Variants in ST7L observed in about 807,000 individuals in gnomAD.
ST7L encodes the protein suppressor of tumorigenicity 7 protein-like.
In ST7L, 57 loss-of-function variants were observed where a neutral mutation model predicts 72.5. The observed-to-expected ratio is 0.79, with a 90% CI of 0.64 to 0.98. The LOEUF (loss-of-function observed/expected upper bound fraction) is 0.98. ST7L is among the 50% of genes least tolerant of loss of function. The pLI, the probability that ST7L is intolerant of heterozygous loss-of-function variation, is 0.00. For synonymous variants in ST7L, 221 were observed against 240.9 expected (o/e 0.92, Z 0.77); for missense variants, 576 against 672.2 (o/e 0.86, Z 1.58).
In ST7L at chr1:112,586,424, A is replaced by C. The variant is rs143702723; in HGVS notation, c.702-2298T>G. On this transcript the variant is annotated intron_variant, in intron 6 of 14. Coordinates refer to ENST00000358039, the MANE Select transcript of ST7L (RefSeq NM_017744.5). ...ACCACTGCACTCCAGCCTGGGCAAC[A>C]GAGCAAGACCCTGTCTCTAAACAAA... Among the ~76,000 whole-genome samples, 419 of 152,332 alleles carry C rather than the reference A, an allele frequency of 2.8e-3. 11 individuals carry two copies. The East Asian group carries it at 0.068, about 25-fold the overall frequency.
intron 14 of ST7L, 40 bp from the exon 15 acceptor site, chr1:112,526,151 A>G (rs564366547): frequency 1.4e-5 from 22 of 1,612,404 alleles, no homozygotes; most frequent in Non-Finnish European, 1.9e-5. Context: ...CAAGCCCTGT[A>G]GGAGTCCCAG....
downstream of ST7L, chr1:112,522,204 C>T (rs1288280963): frequency 6.6e-6 from 1 of 152,002 alleles, no homozygotes; most frequent in African/African-American, 2.4e-5. Context: ...CTAATTTAAA[C>T]ATAGTTTTCA....
At chr1:112,530,871 T>C (rs1339293695) in intron 14 of ST7L, among the ~76,000 whole-genome samples, 2 of 152,202 alleles carry the variant, frequency 1.3e-5, no homozygotes, top group Non-Finnish European at 2.9e-5. Flanking sequence ...AGAGGTAGAA[T>C]TGCCAAAAAA....
intron 3 of ST7L, among the ~76,000 whole-genome samples, chr1:112,604,853 A>G (rs1425729990): frequency 1.3e-5 from 2 of 149,858 alleles, no homozygotes; most frequent in Non-Finnish European, 3.0e-5. Context: ...TGGGAGGCCA[A>G]GGCGGGTGGA....
chr1:112,610,597 A>G (rs763393360), intron 3 of ST7L: 27 of 403,208 alleles, frequency 6.7e-5, no homozygotes, highest in Non-Finnish European at 1.0e-4. Flanking sequence ...CTCCCACGGT[A>G]GAAGTGGCAA....
At position 112,610,886 on chromosome 1, in the gene ST7L, G is replaced by A. The variant is rs373552477; in HGVS notation, c.406C>T (p.Pro136Ser). 17 of 1,614,156 alleles carry A rather than the reference G, an allele frequency of 1.1e-5. No homozygotes were observed. In the South Asian group the frequency reaches 1.1e-4, roughly 10 times the overall value. The change falls in exon 3 of 15, where the codon CCT (proline) becomes TCT (serine). Residue 136 changes from proline (P) to serine (S), a missense_variant. By Grantham distance (74) the Pro-to-Ser change is moderately conservative (BLOSUM62 -1). Coordinates refer to ENST00000358039, the MANE Select transcript of ST7L (RefSeq NM_017744.5). ...TESSISEPGS[P>S]SRNRENETSR... The stretch of plus-strand genomic sequence containing the variant: ...GTTTCATTTTCTCTGTTCCTCGAAG[G>A]AGAACCTGGTTCTGAAATGCTGCTC...
chr1:112,619,407 G>GCCC (rs34583754), upstream of ST7L: 334 of 464,600 alleles, frequency 7.2e-4, 2 homozygotes, highest in African/African-American at 6.2e-3. Context: ...CTTTCACACC[G>GCCC]CCCCCCCCCC....
chr1:112,571,840 CA>C (rs1215740913), intron 11 of ST7L, among the ~76,000 whole-genome samples: 1 of 152,150 alleles, frequency 6.6e-6, no homozygotes, highest in African/African-American at 2.4e-5. Flanking sequence ...AAGCAAATAT[CA>C]AAATAAAGCA....
chr1:112,600,551 G>A (rs978994333), intron 4 of ST7L, among the ~76,000 whole-genome samples: 4 of 151,834 alleles, frequency 2.6e-5, no homozygotes, highest in Non-Finnish European at 4.4e-5. Context: ...AGCTATGATC[G>A]TGCTACTGCA....
chr1:112,613,525 T>C (rs1342305340), intron 2 of ST7L, among the ~76,000 whole-genome samples: 1 of 152,206 alleles, frequency 6.6e-6, no homozygotes, highest in Non-Finnish European at 1.5e-5. Context: ...TACATGTATA[T>C]GTGATTATAT....
chr1:112,576,978 T>C lies in ST7L; in HGVS notation c.1245+8A>G. ...TAAAGGTAGTATTTTTATCATAAAA[T>C]TTCTCACTTTTGGAACATGAGGATT... On this transcript the variant is annotated splice_region_variant and intron_variant, in intron 11 of 14. Transcript: ENST00000358039. The C allele has an allele frequency of 6.3e-7, 1 of 1,575,706 alleles. No homozygotes were observed. Among genetic ancestry groups the C allele is most frequent in the Non-Finnish European group, 8.6e-7 (1 of 1,156,734 alleles).
In ST7L at chr1:112,582,202, A is replaced by G. The variant is rs571933354; in HGVS notation, c.955-96T>C. 246 of 1,031,340 alleles carry G rather than the reference A, an allele frequency of 2.4e-4. 2 individuals carry two copies. The Middle Eastern group carries it at 2.7e-3, about 12-fold the overall frequency. The allele number at this position is 1,031,340 out of a possible 1,614,324, so 63.9% of individuals were successfully genotyped here. A position where few individuals can be genotyped will look rare whatever the true frequency, so the allele number is the denominator to read the frequency against. ...TAAGTAGAAATTCTTGTTTCTTACC[A>G]TAGCTGTGAAGAAGACCTAACCCTT... is the stretch of plus-strand genomic sequence containing the variant. On this transcript the variant is annotated intron_variant, in intron 8 of 14. Transcript: ENST00000358039.
At chr1:112,619,672 G>A (rs1289662981), upstream of ST7L, 6 of 590,920 alleles carry the variant, frequency 1.0e-5, no homozygotes, top group African/African-American at 7.6e-5. Context: ...CCTGGGGCGC[G>A]GGCGCGGGCG....
intron 12 of ST7L, among the ~76,000 whole-genome samples, chr1:112,552,146 C>T (rs1420635374): frequency 6.6e-6 from 1 of 152,122 alleles, no homozygotes; most frequent in Non-Finnish European, 1.5e-5. Context: ...AATTTAGATA[C>T]ACCAATTAAC....
chr1:112,518,256 A>G, the ST7L span: 1 of 152,250 alleles, frequency 6.6e-6, no homozygotes, highest in Admixed American at 6.5e-5. Context: ...CAGATAGGTT[A>G]AACTAGGAAC....
At chr1:112,587,035 G>T (rs1315260419) in intron 6 of ST7L, among the ~76,000 whole-genome samples, 1 of 152,140 alleles carries the variant, frequency 6.6e-6, no homozygotes, top group Non-Finnish European at 1.5e-5. Flanking sequence ...CCATTTACCT[G>T]ATTTTTCTTT....
At chr1:112,539,774 G>A in intron 14 of ST7L, 3 of 985,144 alleles carry the variant, frequency 3.0e-6, no homozygotes, top group Non-Finnish European at 3.6e-6. Flanking sequence ...CACAAATATT[G>A]GTTTGCAGGA....
rs777969643 is a variant in ST7L, at chr1:112,565,211, A to ATTTTTTT, written c.1246-9200_1246-9194dup. Among the ~76,000 whole-genome samples, 135 of 57,970 alleles carry ATTTTTTT rather than the reference A, an allele frequency of 2.3e-3. 1 individual carries two copies. The highest frequency in any genetic ancestry group is 8.1e-3 in the African/African-American group (95 of 11,662). 38.0% of individuals were successfully genotyped at this position (57,970 alleles called of 152,430 possible). A position where few individuals can be genotyped will look rare whatever the true frequency, so the allele number is the denominator to read the frequency against. ...AGGCGCCCACCACCATGTTCGGCTA[A>ATTTTTTT]TTTTTTTTTTTTTTTTTTTTTTTTT... On this transcript the variant is annotated intron_variant, in intron 11 of 14. Transcript: ENST00000358039.
chr1:112,525,877 C>G lies in ST7L; in HGVS notation c.*136G>C. On this transcript the variant is annotated 3_prime_UTR_variant, in exon 15 of 15. Transcript: ENST00000358039. ...TAGGAATAACAATATTCATAAGAAG[C>G]TTTTTCATATGCAAAATGCTTTAGC... The G allele has an allele frequency of 1.6e-6, 2 of 1,243,924 alleles. No individual in the cohort carries two copies. The highest frequency in any genetic ancestry group is 5.2e-5 in the East Asian group (2 of 38,468). The allele number at this position is 1,243,924 out of a possible 1,614,324, so 77.1% of individuals were successfully genotyped here. A position where few individuals can be genotyped will look rare whatever the true frequency, so the allele number is the denominator to read the frequency against.
Sources: gnomAD v4.1 joint callset for allele counts (sites outside exome capture counted in the v4.1 genomes callset) on GRCh38, gnomAD v4.1.1 for gene constraint, MANE v1.5 for transcripts, NCBI Gene and HGNC (gene_info 2026-07-23, HGNC 2026-07-21) for gene names.